Variants in USP37 observed in about 807,000 individuals in gnomAD.
USP37 encodes ubiquitin specific peptidase 37.
A neutral mutation model predicts 124.0 loss-of-function variants in USP37; 27 were observed. The observed-to-expected ratio is 0.22, with a 90% CI of 0.16 to 0.30. USP37 has a LOEUF of 0.30. USP37 is among the 10% of genes least tolerant of loss of function. The probability of loss-of-function intolerance (pLI) is 1.00; values close to 1 mark genes in which losing one functional copy is unlikely to be tolerated. For synonymous variants in USP37, 365 were observed against 388.0 expected, an observed-to-expected ratio of 0.94 and a Z score of 0.70; for missense variants, 889 against 1,140.4, an observed-to-expected ratio of 0.78 and a Z score of 3.17.
intron 23 of USP37, among the ~76,000 whole-genome samples, chr2:218,459,206 AT>A (rs1030620176): frequency 2.6e-5 from 4 of 151,620 alleles, no homozygotes; most frequent in Non-Finnish European, 4.4e-5. Context: ...ACTAAAGGTA[AT>A]TTTTTCCCCC....
Position 218,528,556 on chromosome 2 carries a change from GAAT to G in USP37, c.863+1397_863+1399del, listed in dbSNP as rs1691109709. 23 of 376,800 alleles carry G rather than the reference GAAT, an allele frequency of 6.1e-5. No homozygotes were observed. In the East Asian group the frequency reaches 8.8e-4, roughly 14 times the overall value. 23.3% of individuals were successfully genotyped at this position (376,800 alleles called of 1,614,324 possible). A position where few individuals can be genotyped will look rare whatever the true frequency, so the allele number is the denominator to read the frequency against. On this transcript the variant is annotated intron_variant, in intron 10 of 25. Transcript: ENST00000258399. Reference sequence around the variant, plus strand: ...TTATGTTCCTGTGTCAGTTTGCTGAGAATGATGGTTTTCAGCTTCATCCATGTC... The same window carrying G: ...TTATGTTCCTGTGTCAGTTTGCTGAGGATGGTTTTCAGCTTCATCCATGTC...
chr2:218,503,315 A>G (rs1689489586), intron 11 of USP37, among the ~76,000 whole-genome samples: 1 of 152,266 alleles, frequency 6.6e-6, no homozygotes. Context: ...GGACTGTTTA[A>G]AACAATAACA....
chr2:218,456,660 G>T (rs1459601053), intron 24 of USP37, among the ~76,000 whole-genome samples: 1 of 151,754 alleles, frequency 6.6e-6, no homozygotes, highest in African/African-American at 2.4e-5. Flanking sequence ...AGATTTCAAA[G>T]ATTTTCTTGA....
At chr2:218,559,646 C>T (rs1171439767) in intron 3 of USP37, among the ~76,000 whole-genome samples, 2 of 152,126 alleles carry the variant, frequency 1.3e-5, no homozygotes, top group Non-Finnish European at 2.9e-5. Flanking sequence ...ACTCAAGTTT[C>T]CTGAATGAAC....
At chr2:218,490,969 G>C (rs1691906611) in intron 14 of USP37, among the ~76,000 whole-genome samples, 1 of 152,158 alleles carries the variant, frequency 6.6e-6, no homozygotes, top group Non-Finnish European at 1.5e-5. Flanking sequence ...GACCTCCCAG[G>C]CTCAAGCAAT....
In USP37 at chr2:218,455,024, A is replaced by G. The variant is rs374574033; in HGVS notation, c.2853-7T>C. On this transcript the variant is annotated splice_region_variant and splice_polypyrimidine_tract_variant and intron_variant, in intron 25 of 25. Coordinates refer to ENST00000258399, the MANE Select transcript of USP37 (RefSeq NM_020935.3). ...CAGCTCATCAAAGATCTCCCTTAAG[A>G]TAAAACAAGCAAAAAATAAAACTGG... The G allele has an allele frequency of 6.2e-7, 1 of 1,612,552 alleles. No homozygotes were observed. Among genetic ancestry groups the G allele is most frequent in the African/African-American group, 1.3e-5 (1 of 74,952 alleles).
At chr2:218,548,734 TATG>T (rs1692510861) in intron 6 of USP37, among the ~76,000 whole-genome samples, 1 of 94,316 alleles carries the variant, frequency 1.1e-5, no homozygotes, top group African/African-American at 4.1e-5. Context: ...TTATCCTTAA[TATG>T]TACAATATTC....
chr2:218,485,644 A>AT lies in USP37; in HGVS notation c.1670+19_1670+20insA. On this transcript the variant is annotated intron_variant, in intron 16 of 25. Transcript: ENST00000258399. ...ATTCTTTAGTCCATAGCAAAAAAAAAAAAAAAAAAAAAAAATTACCTAGGA... is the reference window on the plus strand; with the variant it reads ...ATTCTTTAGTCCATAGCAAAAAAAAATAAAAAAAAAAAAAAATTACCTAGGA... 6.5e-7 allele frequency: 1 copy of AT among 1,534,144 alleles called. No homozygotes were observed. Among genetic ancestry groups the AT allele is most frequent in the Non-Finnish European group, 8.7e-7 (1 of 1,145,326 alleles).
chr2:218,501,213 A>AT (rs1309910436), intron 11 of USP37, among the ~76,000 whole-genome samples: 1 of 151,734 alleles, frequency 6.6e-6, no homozygotes, highest in Non-Finnish European at 1.5e-5. Flanking sequence ...CTAATTTTGT[A>AT]TTTTTTTGTA....
rs3835979 is a variant in USP37 at position 218,463,175 on chromosome 2, AACACACACACACACACACACACACAC to A, written c.2527+105_2527+130del. 2,913 of 529,334 alleles carry A rather than the reference AACACACACACACACACACACACACAC, an allele frequency of 5.5e-3. 39 individuals are homozygous for A. Among genetic ancestry groups the A allele is most frequent in the African/African-American group, 0.026 (1,227 of 46,924 alleles). The allele number at this position is 529,334 out of a possible 1,614,324, so 32.8% of individuals were successfully genotyped here. ...GAGTGAGAGGCTCTCCCCCACAATA[AACACACACACACACACACACACACAC>A]ACACACACACACACACACACACACA... is the stretch of plus-strand genomic sequence containing the variant. On this transcript the variant is annotated intron_variant, in intron 22 of 25. Transcript: ENST00000258399.
intron 9 of USP37, among the ~76,000 whole-genome samples, chr2:218,534,265 G>A (rs1307259315): frequency 6.6e-6 from 1 of 152,188 alleles, no homozygotes; most frequent in Non-Finnish European, 1.5e-5. Flanking sequence ...AAGGCAGGTG[G>A]ATAACTTGTG....
chr2:218,501,704 G>A (rs1559190326), intron 11 of USP37, among the ~76,000 whole-genome samples: 2 of 152,188 alleles, frequency 1.3e-5, no homozygotes, highest in Admixed American at 1.3e-4. Flanking sequence ...TGAGAGAAAT[G>A]AGTTCGAAAA....
rs148438367 is a variant in USP37 at position 218,508,252 on chromosome 2, G to A, written c.1025+1727C>T. On this transcript the variant is annotated intron_variant, in intron 11 of 25. Coordinates refer to ENST00000258399, the MANE Select transcript of USP37 (RefSeq NM_020935.3). ...CAGTCTCCATTACCCTTTAGACCTG[G>A]TAGTTTTCTACTCAGTTTTTTTTTC... 5.3e-4 allele frequency among the ~76,000 whole-genome samples: 80 copies of A among 151,620 alleles called. No individual in the cohort carries two copies. In the East Asian group the frequency reaches 0.014, roughly 27 times the overall value.
chr2:218,497,231 CG>C (rs1018848850), intron 13 of USP37, among the ~76,000 whole-genome samples: 5 of 151,054 alleles, frequency 3.3e-5, no homozygotes, highest in African/African-American at 1.2e-4. Context: ...CCACCATGCC[CG>C]GCTAATTTTT....
At chr2:218,541,765 C>T (rs1201891406) in intron 8 of USP37, among the ~76,000 whole-genome samples, 2 of 152,068 alleles carry the variant, frequency 1.3e-5, no homozygotes, top group Non-Finnish European at 2.9e-5. Flanking sequence ...AAACTTAATA[C>T]AAGACAGGAG....
chr2:218,533,026 A>G (rs546370942), intron 9 of USP37, among the ~76,000 whole-genome samples: 44 of 152,056 alleles, frequency 2.9e-4, no homozygotes, highest in African/African-American at 9.9e-4. Context: ...CTTTTATTGC[A>G]CTGGGAAACC....
intron 23 of USP37, 88 bp from the exon 24 acceptor site, chr2:218,457,249 G>A (rs1042042807): frequency 6.1e-6 from 8 of 1,313,456 alleles, no homozygotes; most frequent in African/African-American, 1.5e-5. Context: ...AAGCTGACAT[G>A]GCTAAGCTTT....
At chr2:218,466,211 TC>T in intron 20 of USP37, 35 bp from the exon 21 acceptor site, 1 of 1,561,902 alleles carries the variant, frequency 6.4e-7, no homozygotes, top group Non-Finnish European at 8.6e-7. Context: ...ATTTGGAAAA[TC>T]CTAATAAATG....
intron 6 of USP37, among the ~76,000 whole-genome samples, chr2:218,547,483 AATTGAGCTTGAC>A (rs2106045262): frequency 6.6e-6 from 1 of 152,032 alleles, no homozygotes; most frequent in East Asian, 1.9e-4. Context: ...CAGTGTGAAA[AATTGAGCTTGAC>A]ACTTATTTTC....
Sources: gnomAD v4.1 joint callset for allele counts (sites outside exome capture counted in the v4.1 genomes callset) on GRCh38, gnomAD v4.1.1 for gene constraint, MANE v1.5 for transcripts, NCBI Gene and HGNC (gene_info 2026-07-23, HGNC 2026-07-21) for gene names.